The following GJA1 variants were observed in gnomAD, a reference collection of about 807,000 sequenced individuals.
GJA1 encodes the protein gap junction protein alpha 1.
Under a neutral mutation model 31.0 loss-of-function variants are expected in GJA1, and 9 were observed. That is an observed-to-expected ratio of 0.29 (90% CI 0.17 to 0.51). GJA1 has a LOEUF of 0.51. Among genes scored for constraint, GJA1 ranks in the 20% least tolerant of loss-of-function variants. The pLI, the probability that GJA1 is intolerant of heterozygous loss-of-function variation, is 0.98. For synonymous variants in GJA1, 186 were observed against 180.1 expected (o/e 1.03, Z -0.26); for missense variants, 278 against 468.8 (o/e 0.59, Z 3.76).
intron 1 of GJA1, among the ~76,000 whole-genome samples, chr6:121,439,118 C>G (rs1773720330): frequency 6.6e-6 from 1 of 151,978 alleles, no homozygotes; most frequent in Non-Finnish European, 1.5e-5. Flanking sequence ...AGCAACATAG[C>G]AAGACCCCAC....
chr6:121,436,008 A>G (rs867536710), intron 1 of GJA1, among the ~76,000 whole-genome samples, 176 bp downstream of exon 1: 8 of 152,128 alleles, frequency 5.3e-5, no homozygotes, highest in Admixed American at 6.6e-5. Context: ...TACCAAATAT[A>G]TATTTTGACT....
intron 1 of GJA1, among the ~76,000 whole-genome samples, chr6:121,440,169 C>T (rs185256674): frequency 6.6e-6 from 1 of 151,332 alleles, no homozygotes; most frequent in East Asian, 1.9e-4. Context: ...GTTAGAACAT[C>T]GTAGAACTAG....
rs752719742 is a variant in GJA1, at chr6:121,446,946, A to G, written c.99A>G (p.Arg33=). The G allele has an allele frequency of 1.3e-5, 21 of 1,614,082 alleles. No homozygotes were observed. The Admixed American group carries it at 3.3e-4, about 26-fold the overall frequency. Reference sequence around the variant, plus strand: ...GGCTGTCAGTACTTTTCATTTTCCGAATCCTGCTGCTGGGGACAGCGGTTG... The same window carrying G: ...GGCTGTCAGTACTTTTCATTTTCCGGATCCTGCTGCTGGGGACAGCGGTTG... ...KVWLSVLFIF[R]ILLLGTAVES... is the part of the protein sequence containing the mutation. Residue 33 remains arginine, a synonymous_variant, in exon 2 of 2, where the codon CGA becomes CGG. Transcript: ENST00000282561.
rs570820338 is a variant in GJA1, at chr6:121,438,000, C to G, written c.-17+2168C>G. Among the ~76,000 whole-genome samples, 14 of 152,206 alleles carry G rather than the reference C, an allele frequency of 9.2e-5. No homozygotes were observed. The South Asian group carries it at 2.9e-3, about 32-fold the overall frequency. On this transcript the variant is annotated intron_variant, in intron 1 of 1. Transcript: ENST00000282561. ...ATTAAGCGAGCGCTCCCCTCCCCCC[C>G]GCGCCAGGAATGAAATAAGCCAGTT...
At chr6:121,444,025 T>G (rs1773842414) in intron 1 of GJA1, among the ~76,000 whole-genome samples, 1 of 152,190 alleles carries the variant, frequency 6.6e-6, no homozygotes, top group Non-Finnish European at 1.5e-5. Context: ...CCTCATGGAC[T>G]ATACTTCTTC....
chr6:121,437,115 T>G (rs760947708), intron 1 of GJA1, among the ~76,000 whole-genome samples: 7 of 152,182 alleles, frequency 4.6e-5, no homozygotes, highest in Non-Finnish European at 1.0e-4. Flanking sequence ...TCCTGCCATC[T>G]TAGCGTCTGC....
intron 1 of GJA1, among the ~76,000 whole-genome samples, chr6:121,440,965 C>T (rs1403438914): frequency 2.0e-5 from 3 of 150,140 alleles, no homozygotes; most frequent in African/African-American, 7.4e-5. Context: ...TTCTTTGAGA[C>T]GGAGTCTCGC....
chr6:121,436,372 G>GCT (rs1410852484), intron 1 of GJA1, among the ~76,000 whole-genome samples: 2 of 152,250 alleles, frequency 1.3e-5, no homozygotes, highest in South Asian at 4.1e-4. Flanking sequence ...GTGACGAAGT[G>GCT]CTTTGTTAAA....
At chr6:121,443,690 A>G (rs73532231) in intron 1 of GJA1, among the ~76,000 whole-genome samples, 4,687 of 152,018 alleles carry the variant, frequency 0.031, 143 homozygotes, top group African/African-American at 0.078. Flanking sequence ...GAATTACTAT[A>G]AGCATCTACA....
intron 1 of GJA1, among the ~76,000 whole-genome samples, chr6:121,444,747 C>A (rs1450127552): frequency 1.3e-5 from 2 of 152,202 alleles, no homozygotes; most frequent in Non-Finnish European, 2.9e-5. Flanking sequence ...CCTGCAAAGT[C>A]TTAGCTTTGC....
chr6:121,441,150 C>T (rs543042749), intron 1 of GJA1, among the ~76,000 whole-genome samples: 3 of 152,194 alleles, frequency 2.0e-5, no homozygotes, highest in East Asian at 3.9e-4. Context: ...GACGGGGTTT[C>T]ACTGTGTTAG....
At chr6:121,441,160 G>A (rs1773773193) in intron 1 of GJA1, among the ~76,000 whole-genome samples, 1 of 152,054 alleles carries the variant, frequency 6.6e-6, no homozygotes. Flanking sequence ...CACTGTGTTA[G>A]CCAGGATGGT....
intron 1 of GJA1, among the ~76,000 whole-genome samples, chr6:121,443,104 A>G (rs781071585): frequency 2.6e-5 from 4 of 152,202 alleles, no homozygotes; most frequent in Non-Finnish European, 4.4e-5. Context: ...GGATTCTGTA[A>G]ACATATAATT....
At chr6:121,445,541 G>A (rs1270538796) in intron 1 of GJA1, among the ~76,000 whole-genome samples, 1 of 151,826 alleles carries the variant, frequency 6.6e-6, no homozygotes, top group Non-Finnish European at 1.5e-5. Context: ...ATAGCCTGAG[G>A]GTCCAAAGCC....
rs145279962 is a variant in GJA1 at position 121,447,174 on chromosome 6, A to G, written c.327A>G (p.Lys109=). 2.4e-5 allele frequency: 38 copies of G among 1,613,882 alleles called. No individual in the cohort carries two copies. The African/African-American group carries it at 4.8e-4, about 20-fold the overall frequency. Residue 109 remains lysine (K), a synonymous_variant, in exon 2 of 2, where the codon AAA becomes AAG. Transcript: ENST00000282561. ...VMRKEEKLNK[K]EEELKVAQTD... The stretch of plus-strand genomic sequence containing the variant: ...GAAAGGAAGAGAAACTGAACAAGAA[A>G]GAGGAAGAACTCAAGGTTGCCCAAA...
chr6:121,437,153 C>T (rs1449240849), intron 1 of GJA1, among the ~76,000 whole-genome samples: 2 of 152,162 alleles, frequency 1.3e-5, no homozygotes, highest in Non-Finnish European at 2.9e-5. Context: ...CTTCGCTGCC[C>T]GAACCAGCTC....
Position 121,448,268 on chromosome 6 carries a change from G to A in GJA1, c.*272G>A, listed in dbSNP as rs72548747. The A allele has an allele frequency of 2.5e-4, 130 of 510,342 alleles. No individual in the cohort carries two copies. The highest frequency in any genetic ancestry group is 1.5e-3 in the Admixed American group (47 of 30,534). 31.6% of individuals were successfully genotyped at this position (510,342 alleles called of 1,614,324 possible). On this transcript the variant is annotated 3_prime_UTR_variant, in exon 2 of 2. Transcript: ENST00000282561. ...AGATTATAAATAAGAGTTCCATTAG[G>A]TGATACATAGATAAGGGCTTTTTCT...
rs1427954225 is a variant in GJA1, at chr6:121,446,894, C to G, written c.47C>G (p.Ala16Gly). 3 of 1,613,842 alleles carry G rather than the reference C, an allele frequency of 1.9e-6. No individual in the cohort carries two copies. The highest frequency in any genetic ancestry group is 2.2e-5 in the East Asian group (1 of 44,878). ...GGCAAACTCCTTGACAAGGTTCAAG[C>G]CTACTCAACTGCTGGAGGGAAGGTG... ...ALGKLLDKVQ[A>G]YSTAGGKVWL... Residue 16 changes from alanine to glycine, a missense_variant, in exon 2 of 2, where the codon GCC becomes GGC. Ala to Gly is a moderately conservative substitution (Grantham distance 60, BLOSUM62 0). Coordinates refer to ENST00000282561, the MANE Select transcript of GJA1 (RefSeq NM_000165.5).
At chr6:121,436,677 TC>T in intron 1 of GJA1, among the ~76,000 whole-genome samples, 1 of 152,166 alleles carries the variant, frequency 6.6e-6, no homozygotes, top group East Asian at 1.9e-4. Context: ...CAAAACCGTC[TC>T]CTAAAACGGG....
Sources: allele counts gnomAD v4.1 joint callset (sites outside exome capture counted in the v4.1 genomes callset), GRCh38; gene constraint gnomAD v4.1.1; transcripts MANE v1.5; gene names NCBI Gene and HGNC (gene_info 2026-07-23, HGNC 2026-07-21).